The following WDR27 variants were observed in gnomAD, a reference collection of about 807,000 sequenced individuals.
WDR27 encodes WD repeat-containing protein 27.
A neutral mutation model predicts 114.4 loss-of-function variants in WDR27; 100 were observed. The ratio of observed to expected loss-of-function variants is 0.87; its 90% CI spans 0.74 to 1.03. The LOEUF is 1.03. Ranked by LOEUF, WDR27 falls within the 50% of genes least tolerant of loss-of-function variation. WDR27 has a pLI of 0.00. For synonymous variants in WDR27, 449 were observed against 423.1 expected, an observed-to-expected ratio of 1.06 and a Z score of -0.75; for missense variants, 1,129 against 1,092.9, an observed-to-expected ratio of 1.03 and a Z score of -0.47.
intron 25 of WDR27, among the ~76,000 whole-genome samples, chr6:169,472,900 T>C (rs1012522410): frequency 6.6e-6 from 1 of 152,238 alleles, no homozygotes; most frequent in African/African-American, 2.4e-5. Context: ...GAGACAGCAA[T>C]GTTAAGCCAC....
At position 169,457,629 on chromosome 6, in the gene WDR27, G is replaced by C. The variant is rs1281525733; in HGVS notation, c.2651C>G (p.Pro884Arg). The C allele has an allele frequency of 6.4e-6, 10 of 1,551,286 alleles. No homozygotes were observed. Among genetic ancestry groups the C allele is most frequent in the Non-Finnish European group, 8.7e-6 (10 of 1,146,678 alleles). ...SLPSSWDYSL[P>R]QLPWMVNSSS... Reference sequence around the variant, plus strand: ...GGAGTTTACCATCCAAGGTAGCTGTGGCAAGCTGTAATTGAAAATAAAATA... The same window carrying C: ...GGAGTTTACCATCCAAGGTAGCTGTCGCAAGCTGTAATTGAAAATAAAATA... The change falls in exon 26 of 26, where the codon CCA (proline) becomes CGA (arginine). Residue 884 changes from proline (P) to arginine (R), a missense_variant. Transcript: ENST00000448612.
intron 25 of WDR27, among the ~76,000 whole-genome samples, chr6:169,536,107 A>C (rs1176577955): frequency 6.6e-6 from 1 of 152,212 alleles, no homozygotes; most frequent in Non-Finnish European, 1.5e-5. Flanking sequence ...CAACAGAAAA[A>C]AATAGGCTCA....
At position 169,613,592 on chromosome 6, in the gene WDR27, T is replaced by G. The variant is rs768899832; in HGVS notation, c.2288A>C (p.Asp763Ala). 10 of 1,613,694 alleles carry G rather than the reference T, an allele frequency of 6.2e-6. No individual in the cohort carries two copies. In the East Asian group the frequency reaches 2.0e-4, roughly 32 times the overall value. Residue 763 changes from aspartate (D) to alanine (A), a missense_variant, in exon 22 of 26, where the codon GAT becomes GCT. Coordinates refer to ENST00000448612, the MANE Select transcript of WDR27 (RefSeq NM_182552.5). ...TCTCAGGTCCCACAGTCTCATCCCA[T>G]CGCCAATGGCCGTGGTCAGGAAAAG... ...YNLFLTTAIG[D>A]GMRLWDLRTL...
rs550057834 is a variant in WDR27 at position 169,604,851 on chromosome 6, T to A, written c.2322-2530A>T. ...ACAGAATCATGGACAAAAAAATATA[T>A]GATCATCTCAATAAATGCAAAAAAA... On this transcript the variant is annotated intron_variant, in intron 22 of 25. Coordinates refer to ENST00000448612, the MANE Select transcript of WDR27 (RefSeq NM_182552.5). Among the ~76,000 whole-genome samples, 28 of 152,000 alleles carry A rather than the reference T, an allele frequency of 1.8e-4. No individual in the cohort carries two copies. The South Asian group carries it at 3.9e-3, about 21-fold the overall frequency.
At chr6:169,570,669 A>C (rs1312765930) in intron 25 of WDR27, among the ~76,000 whole-genome samples, 1 of 152,270 alleles carries the variant, frequency 6.6e-6, no homozygotes, top group Admixed American at 6.5e-5. Context: ...TCTCTACTAA[A>C]AATACAAAAA....
intron 3 of WDR27, chr6:169,670,995 T>A: frequency 3.7e-6 from 1 of 273,316 alleles, no homozygotes. Context: ...ACTGCATGTT[T>A]CGATGCTTCT....
At chr6:169,481,792 G>A (rs923369131) in intron 25 of WDR27, among the ~76,000 whole-genome samples, 4 of 152,142 alleles carry the variant, frequency 2.6e-5, no homozygotes, top group Non-Finnish European at 2.9e-5. Flanking sequence ...CACCGCAAAG[G>A]TCTGCACCTT....
chr6:169,555,322 T>C (rs1798721087), intron 25 of WDR27, among the ~76,000 whole-genome samples: 1 of 151,786 alleles, frequency 6.6e-6, no homozygotes, highest in Non-Finnish European at 1.5e-5. Context: ...AAAAACACAT[T>C]CCAAGCAAAG....
At chr6:169,572,332 A>C (rs553124065) in intron 25 of WDR27, 87 bp downstream of exon 25, 35 of 152,220 alleles carry the variant, frequency 2.3e-4, no homozygotes, top group African/African-American at 7.9e-4. Context: ...CGAGATCAAG[A>C]GATCGAGACC....
At chr6:169,632,096 G>A (rs368669095) in intron 21 of WDR27, among the ~76,000 whole-genome samples, 9 of 151,252 alleles carry the variant, frequency 6.0e-5, no homozygotes, top group African/African-American at 9.7e-5. Context: ...GCTGAGGCAG[G>A]AGAATCGCTT....
At chr6:169,611,941 C>T (rs967763415) in intron 22 of WDR27, among the ~76,000 whole-genome samples, 1 of 151,088 alleles carries the variant, frequency 6.6e-6, no homozygotes, top group Admixed American at 6.6e-5. Flanking sequence ...TCGAGACCAA[C>T]CTAGCCAACA....
Position 169,667,037 on chromosome 6 carries a change from C to T in WDR27, c.712+99G>A, listed in dbSNP as rs1392198012. The T allele has an allele frequency of 4.5e-6, 6 of 1,343,248 alleles. No individual in the cohort carries two copies. In the African/African-American group the frequency reaches 7.6e-5, roughly 17 times the overall value. The allele number at this position is 1,343,248 out of a possible 1,614,324, so 83.2% of individuals were successfully genotyped here. A position where few individuals can be genotyped will look rare whatever the true frequency, so the allele number is the denominator to read the frequency against. ...TCTGAGATTGCCTCATTCAGATCCA[C>T]TCGAATGTCCCAGCTCCATCTTATG... On this transcript the variant is annotated intron_variant, in intron 6 of 25. Coordinates refer to ENST00000448612, the MANE Select transcript of WDR27 (RefSeq NM_182552.5).
chr6:169,480,648 T>A (rs1033628551), intron 25 of WDR27, among the ~76,000 whole-genome samples: 13 of 150,996 alleles, frequency 8.6e-5, no homozygotes, highest in African/African-American at 3.2e-4. Flanking sequence ...CTTGGAGAAC[T>A]TTTATGTCTA....
chr6:169,598,879 G>C (rs182020550), intron 23 of WDR27, among the ~76,000 whole-genome samples: 27 of 152,268 alleles, frequency 1.8e-4, no homozygotes, highest in Admixed American at 1.0e-3. Context: ...AAAAATGCAG[G>C]TTACTGCCAG....
At chr6:169,646,942 T>A (rs960100121) in intron 16 of WDR27, among the ~76,000 whole-genome samples, 1 of 152,118 alleles carries the variant, frequency 6.6e-6, no homozygotes, top group Non-Finnish European at 1.5e-5. Flanking sequence ...ATAAAGGGAA[T>A]TTAGCGGAGT....
chr6:169,481,449 G>A lies in WDR27; in HGVS notation c.2646-23815C>T, dbSNP rs564981778. On this transcript the variant is annotated intron_variant, in intron 25 of 25. Transcript: ENST00000448612. The stretch of plus-strand genomic sequence containing the variant: ...CCAAGCCAACAGCAGCAACCTGCTC[G>A]GGTTCCCTTCCACGCTGTGGAAACC... 1.5e-3 allele frequency among the ~76,000 whole-genome samples: 227 copies of A among 152,298 alleles called. 1 individual carries two copies. The highest frequency in any genetic ancestry group is 5.2e-3 in the African/African-American group (215 of 41,558).
At chr6:169,510,617 A>C (rs1472513281) in intron 25 of WDR27, among the ~76,000 whole-genome samples, 15 of 120,868 alleles carry the variant, frequency 1.2e-4, no homozygotes, top group African/African-American at 4.4e-4. Flanking sequence ...AATATCACAC[A>C]CTGGGGACTG....
chr6:169,455,564 C>T (rs962700020), downstream of WDR27, among the ~76,000 whole-genome samples: 1 of 152,208 alleles, frequency 6.6e-6, no homozygotes, highest in Non-Finnish European at 1.5e-5. Context: ...GGCATCCACT[C>T]ACAGCACCAC....
At chr6:169,554,459 C>A (rs1798598993) in intron 25 of WDR27, among the ~76,000 whole-genome samples, 1 of 152,192 alleles carries the variant, frequency 6.6e-6, no homozygotes, top group African/African-American at 2.4e-5. Flanking sequence ...TTGTCAACTC[C>A]AGTACTCTTT....
Sources: allele counts gnomAD v4.1 joint callset (sites outside exome capture counted in the v4.1 genomes callset), GRCh38; gene constraint gnomAD v4.1.1; transcripts MANE v1.5; gene names NCBI Gene and HGNC (gene_info 2026-07-23, HGNC 2026-07-21).